The following OGFOD3 variants were observed in gnomAD, a reference collection of about 807,000 sequenced individuals.
OGFOD3 encodes the protein 2-oxoglutarate and iron dependent oxygenase domain containing 3.
In OGFOD3, 35 loss-of-function variants were observed where a neutral mutation model predicts 39.8. The observed-to-expected ratio is 0.88, with a 90% CI of 0.67 to 1.17. The LOEUF (loss-of-function observed/expected upper bound fraction) is 1.17. OGFOD3 is among the 50% of genes most tolerant of loss of function. The probability of loss-of-function intolerance (pLI) is 0.00; values close to 1 mark genes in which losing one functional copy is unlikely to be tolerated. For missense variants in OGFOD3, 438 were observed against 454.5 expected (o/e 0.96, Z 0.33); for synonymous variants, 200 against 192.0 (o/e 1.04, Z -0.34).
chr17:82,398,320 C>T lies in OGFOD3; in HGVS notation c.700-1G>A, dbSNP rs2052710454. ...TGTAGTCGAAGGAGCCGTAGGTCAC[C>T]TGAGGGCAGAGCCGGGAGGAGGGGG... On this transcript the variant is annotated splice_acceptor_variant, in intron 7 of 8. Coordinates refer to ENST00000313056, the MANE Select transcript of OGFOD3 (RefSeq NM_024648.3). LOFTEE classifies it high-confidence loss of function. The T allele has an allele frequency of 1.2e-6, 2 of 1,613,846 alleles. No homozygotes were observed. Among genetic ancestry groups the T allele is most frequent in the African/African-American group, 2.7e-5 (2 of 74,874 alleles).
Position 82,404,101 on chromosome 17 carries a change from C to T in OGFOD3, c.546-11G>A, listed in dbSNP as rs1285739958. On this transcript the variant is annotated splice_polypyrimidine_tract_variant and intron_variant, in intron 6 of 8. Transcript: ENST00000313056. This position sits in a 1 kb window ranked among gnomAD's most constrained non-coding sequence, Gnocchi z 4.5. The stretch of plus-strand genomic sequence containing the variant: ...TTCTGCCGCACCTCCCTGCAGAGGA[C>T]ACAATAGCCGTCAGCGCAGCCCCAG... The T allele has an allele frequency of 6.3e-7, 1 of 1,577,580 alleles. No individual in the cohort carries two copies. Among genetic ancestry groups the T allele is most frequent in the Admixed American group, 1.8e-5 (1 of 56,882 alleles).
intron 8 of OGFOD3, among the ~76,000 whole-genome samples, chr17:82,397,294 G>C (rs1159762382): frequency 6.6e-6 from 1 of 150,460 alleles, no homozygotes; most frequent in Non-Finnish European, 1.5e-5. Context: ...CCACAGGTGA[G>C]GGCAGTGCCC....
At chr17:82,394,677 A>C in intron 8 of OGFOD3, 2 of 606,512 alleles carry the variant, frequency 3.3e-6, no homozygotes, top group Non-Finnish European at 5.6e-6. Context: ...CCCTCAGAAC[A>C]TCCTGCCTGA....
At chr17:82,398,451 G>A (rs779065450) in intron 7 of OGFOD3, 132 bp from the exon 8 acceptor site, 24 of 1,055,690 alleles carry the variant, frequency 2.3e-5, no homozygotes, top group African/African-American at 3.2e-5. Context: ...CCAGGCTGGA[G>A]TGCAGTGATG....
intron 2 of OGFOD3, among the ~76,000 whole-genome samples, chr17:82,414,323 A>C (rs985567068): frequency 2.0e-5 from 3 of 152,066 alleles, no homozygotes; most frequent in South Asian, 4.1e-4. Flanking sequence ...TATTTTGTAG[A>C]GATGGGGTCT....
At chr17:82,412,845 C>T (rs923195268) in intron 2 of OGFOD3, among the ~76,000 whole-genome samples, 2 of 152,210 alleles carry the variant, frequency 1.3e-5, no homozygotes, top group African/African-American at 4.8e-5. Context: ...TGCTTTTCCT[C>T]CCTCTCCCTA....
At chr17:82,416,870 T>C (rs79180951) in intron 1 of OGFOD3, among the ~76,000 whole-genome samples, 7,555 of 152,064 alleles carry the variant, frequency 0.05, 328 homozygotes, top group African/African-American at 0.12. Context: ...AGACGGGGTT[T>C]CACCACGTTG....
At chr17:82,412,670 C>A (rs1333672105) in intron 2 of OGFOD3, among the ~76,000 whole-genome samples, 2 of 152,042 alleles carry the variant, frequency 1.3e-5, no homozygotes, top group Non-Finnish European at 2.9e-5. Context: ...CGCACAGATG[C>A]ACAAGGTACA....
In OGFOD3 at chr17:82,401,822, A is replaced by AAAAAAC. The variant is rs2052771225; in HGVS notation, c.699+2114_699+2115insGTTTTT. ...CCATCTCAAAAAAAAAAAAAAAAAA[A>AAAAAAC]ACAAAGACTGCCCTTGAAGAATAAT... On this transcript the variant is annotated intron_variant, in intron 7 of 8. Transcript: ENST00000313056. 9.7e-5 allele frequency among the ~76,000 whole-genome samples: 14 copies of AAAAAAC among 144,810 alleles called. No homozygotes were observed. In the South Asian group the frequency reaches 2.4e-3, roughly 25 times the overall value.
chr17:82,392,597 G>C lies in OGFOD3; in HGVS notation c.824-63C>G, dbSNP rs1385481087. Reference sequence around the variant, plus strand: ...ACACCCACGGCCACAGCCTTCAGAGGGTCTGCGGTCACCTGAAAGAGCAAC... The same window carrying C: ...ACACCCACGGCCACAGCCTTCAGAGCGTCTGCGGTCACCTGAAAGAGCAAC... On this transcript the variant is annotated intron_variant, in intron 8 of 8. Transcript: ENST00000313056. This position sits in a 1 kb window ranked among gnomAD's most constrained non-coding sequence, Gnocchi z 4.2. 2.0e-6 allele frequency: 3 copies of C among 1,524,812 alleles called. No individual in the cohort carries two copies. The highest frequency in any genetic ancestry group is 2.6e-6 in the Non-Finnish European group (3 of 1,132,968). 94.5% of individuals were successfully genotyped at this position (1,524,812 alleles called of 1,614,324 possible).
At chr17:82,398,369 C>T (rs2052712137) in intron 7 of OGFOD3, 50 bp from the exon 8 acceptor site, 2 of 1,609,320 alleles carry the variant, frequency 1.2e-6, no homozygotes, top group African/African-American at 2.7e-5. Flanking sequence ...CAGCATGCGA[C>T]CAGGGCAGGT....
rs145472361 is a variant in OGFOD3, at chr17:82,397,311, C to T, written c.823+885G>A. Among the ~76,000 whole-genome samples the T allele has an allele frequency of 5.1e-3, 737 of 144,378 alleles. 5 individuals carry two copies. Among genetic ancestry groups the T allele is most frequent in the African/African-American group, 0.015 (587 of 39,128 alleles). 94.7% of individuals were successfully genotyped at this position (144,378 alleles called of 152,430 possible). ...ACAGGTGAGGGCAGTGCCCTGGGGACGGGTGAGGCAGCAGGGGGTGAGGGC... is the reference window on the plus strand; with the variant it reads ...ACAGGTGAGGGCAGTGCCCTGGGGATGGGTGAGGCAGCAGGGGGTGAGGGC... On this transcript the variant is annotated intron_variant, in intron 8 of 8. Transcript: ENST00000313056.
intron 1 of OGFOD3, among the ~76,000 whole-genome samples, chr17:82,416,424 G>C (rs1199999767): frequency 1.3e-5 from 2 of 152,120 alleles, no homozygotes; most frequent in African/African-American, 4.8e-5. Context: ...TAAGGACGGG[G>C]GCCACTGGAG....
intron 8 of OGFOD3, among the ~76,000 whole-genome samples, chr17:82,397,495 C>T (rs888327260): frequency 2.0e-5 from 3 of 150,722 alleles, no homozygotes; most frequent in Non-Finnish European, 3.0e-5. Context: ...CAAGCCTATG[C>T]GAGTTTCGGC....
chr17:82,394,427 G>A (rs62079523), intron 8 of OGFOD3: 518,619 of 1,612,504 alleles, frequency 0.32, 88,345 homozygotes, highest in Non-Finnish European at 0.35. Context: ...CCCCTCTCGG[G>A]CGGGTGGTGA....
At chr17:82,413,540 A>G (rs1442850535) in intron 2 of OGFOD3, among the ~76,000 whole-genome samples, 2 of 152,184 alleles carry the variant, frequency 1.3e-5, no homozygotes, top group African/African-American at 4.8e-5. Context: ...AATCTTTTAA[A>G]TTTCCAAGTA....
At chr17:82,410,006 T>A (rs879672649) in intron 3 of OGFOD3, among the ~76,000 whole-genome samples, 5 of 152,170 alleles carry the variant, frequency 3.3e-5, no homozygotes, top group Non-Finnish European at 5.9e-5. Context: ...CTGGGGAGCA[T>A]CTAGGGGAGG....
Position 82,415,805 on chromosome 17 carries a change from C to T in OGFOD3, c.75-178G>A, listed in dbSNP as rs1366242694. On this transcript the variant is annotated intron_variant, in intron 1 of 8. Coordinates refer to ENST00000313056, the MANE Select transcript of OGFOD3 (RefSeq NM_024648.3). This position sits in a 1 kb window ranked among gnomAD's most constrained non-coding sequence, Gnocchi z 5.3. ...TCAGGAAACACGGACTCTTCCCTCC[C>T]TTTCCCTTCAGGGATCTCCAATACA... Among the ~76,000 whole-genome samples the T allele has an allele frequency of 6.6e-6, 1 of 152,070 alleles. No homozygotes were observed. Among genetic ancestry groups the T allele is most frequent in the African/African-American group, 2.4e-5 (1 of 41,380 alleles).
In OGFOD3 at chr17:82,403,926, G is replaced by A; in HGVS notation, c.699+11C>T. On this transcript the variant is annotated intron_variant, in intron 7 of 8. Transcript: ENST00000313056. ...CACGGGCACGCTCACCCTGCCCACG[G>A]GCGCGCTCACCTTGTCCACGTGCGC... 1.3e-6 allele frequency: 2 copies of A among 1,592,696 alleles called. No individual in the cohort carries two copies. Among genetic ancestry groups the A allele is most frequent in the Non-Finnish European group, 1.7e-6 (2 of 1,173,160 alleles).
Sources: gnomAD v4.1 joint callset for allele counts (sites outside exome capture counted in the v4.1 genomes callset) on GRCh38, gnomAD v4.1.1 for gene constraint, Gnocchi (gnomAD v3.1) non-coding constraint, MANE v1.5 for transcripts, NCBI Gene and HGNC (gene_info 2026-07-23, HGNC 2026-07-21) for gene names.